TSPAN31: variants seen among roughly 807,000 people sequenced by gnomAD.
TSPAN31 encodes the protein tetraspanin 31.
TSPAN31 carries 16 observed loss-of-function variants against 24.8 expected under a neutral mutation model. That is an observed-to-expected ratio of 0.64 (90% confidence interval 0.44 to 0.98). The LOEUF (loss-of-function observed/expected upper bound fraction) is 0.98, where lower values mean the gene tolerates loss of function less well. Among genes scored for constraint, TSPAN31 ranks in the 50% least tolerant of loss-of-function variants. The pLI is 0.00. For synonymous variants in TSPAN31, 87 were observed against 91.4 expected (o/e 0.95, Z 0.27); for missense variants, 209 against 251.6 (o/e 0.83, Z 1.15).
intron 1 of TSPAN31, 197 bp from the exon 2 acceptor site, chr12:57,745,548 C>T: frequency 1.5e-6 from 1 of 662,644 alleles, no homozygotes; most frequent in Non-Finnish European, 2.5e-6. Context: ...CCTGCCACCC[C>T]CTCCCCGCCA....
chr12:57,746,753 G>C, intron 4 of TSPAN31, 33 bp downstream of exon 4: 1 of 1,613,304 alleles, frequency 6.2e-7, no homozygotes. Context: ...AGCAGCCAGG[G>C]GAGGTAGGAA....
At position 57,748,494 on chromosome 12, in the gene TSPAN31, T is replaced by C. The variant is rs746950724; in HGVS notation, c.*1204T>C. The C allele has an allele frequency of 1.3e-6, 2 of 1,524,390 alleles. No individual in the cohort carries two copies. The highest frequency in any genetic ancestry group is 1.8e-6 in the Non-Finnish European group (2 of 1,098,710). The allele number at this position is 1,524,390 out of a possible 1,614,324, so 94.4% of individuals were successfully genotyped here. A position where few individuals can be genotyped will look rare whatever the true frequency, so the allele number is the denominator to read the frequency against. ...AGTGTCCAGAAGGGAAATGGCAGCT[T>C]TTCTTCCTTCCATGGCAGCCACTCC... On this transcript the variant is annotated 3_prime_UTR_variant, in exon 6 of 6. Coordinates refer to ENST00000257910, the MANE Select transcript of TSPAN31 (RefSeq NM_005981.5).
Position 57,749,798 on chromosome 12 carries a change from A to G in TSPAN31, c.*2508A>G, listed in dbSNP as rs1955211082. ...TGGATCATGAGGTCAAGAGATCGAG[A>G]CCATCCTGGCCAACATGGTGAAACC... is the stretch of plus-strand genomic sequence containing the variant. On this transcript the variant is annotated 3_prime_UTR_variant, in exon 6 of 6. Coordinates refer to ENST00000257910, the MANE Select transcript of TSPAN31 (RefSeq NM_005981.5). 1 of 466,064 alleles carries G rather than the reference A, an allele frequency of 2.1e-6. No homozygotes were observed. The highest frequency in any genetic ancestry group is 2.0e-5 in the African/African-American group (1 of 50,924). The allele number at this position is 466,064 out of a possible 1,614,324, so 28.9% of individuals were successfully genotyped here.
rs536249985 is a variant in TSPAN31, at chr12:57,749,512, G to A, written c.*2222G>A. On this transcript the variant is annotated 3_prime_UTR_variant, in exon 6 of 6. Coordinates refer to ENST00000257910, the MANE Select transcript of TSPAN31 (RefSeq NM_005981.5). ...TTTCCACAGAAGAGAGGCCTAAGGT[G>A]AGAAGGGATATAAGGTAGCAGTCAT... The A allele has an allele frequency of 4.5e-5, 72 of 1,613,872 alleles. 2 individuals carry two copies. The South Asian group carries it at 7.5e-4, about 17-fold the overall frequency.
chr12:57,747,151 TCA>T lies in TSPAN31; in HGVS notation c.558+27_558+28del. On this transcript the variant is annotated intron_variant, in intron 5 of 5. Transcript: ENST00000257910. The stretch of plus-strand genomic sequence containing the variant: ...ACAGAGGTAACATTCTCCAGTTCCC[TCA>T]CACACATCCTTTTTGAGACTGAGAA... 6.2e-7 allele frequency: 1 copy of T among 1,612,634 alleles called. No homozygotes were observed. The highest frequency in any genetic ancestry group is 1.3e-5 in the African/African-American group (1 of 74,996).
Position 57,748,221 on chromosome 12 carries a change from TAAAAA to T in TSPAN31, c.*941_*945del. 3.1e-6 allele frequency: 1 copy of T among 325,538 alleles called. No individual in the cohort carries two copies. Among genetic ancestry groups the T allele is most frequent in the South Asian group, 3.8e-5 (1 of 26,648 alleles). The allele number at this position is 325,538 out of a possible 1,614,324, so 20.2% of individuals were successfully genotyped here. On this transcript the variant is annotated 3_prime_UTR_variant, in exon 6 of 6. Transcript: ENST00000257910. ...CAAAGCCAAACAGAGGAAGAAACATTAAAAAAAAAAAAAAGACCATTATTTCTTTG... is the reference window on the plus strand; with the variant it reads ...CAAAGCCAAACAGAGGAAGAAACATTAAAAAAAAAGACCATTATTTCTTTG...
At position 57,745,112 on chromosome 12, in the gene TSPAN31, C is replaced by T; in HGVS notation, c.-43C>T. 2 of 1,553,850 alleles carry T rather than the reference C, an allele frequency of 1.3e-6. No individual in the cohort carries two copies. Among genetic ancestry groups the T allele is most frequent in the Non-Finnish European group, 1.8e-6 (2 of 1,142,800 alleles). ...CTGGAAGACGGTCCCCAATACCCTCCCCCCAAGTCCTTGGGACCACTTGGG... is the reference window on the plus strand; with the variant it reads ...CTGGAAGACGGTCCCCAATACCCTCTCCCCAAGTCCTTGGGACCACTTGGG... On this transcript the variant is annotated 5_prime_UTR_variant, in exon 1 of 6. Transcript: ENST00000257910.
At position 57,749,342 on chromosome 12, in the gene TSPAN31, T is replaced by G. The variant is rs2140383298; in HGVS notation, c.*2052T>G. On this transcript the variant is annotated 3_prime_UTR_variant, in exon 6 of 6. Transcript: ENST00000257910. ...GCTGTGGGGGACAGGAGAACTCTGG[T>G]CAGGAGGGTCCTCCAGTTCCCATCC... 6.2e-7 allele frequency: 1 copy of G among 1,614,114 alleles called. No homozygotes were observed. Among genetic ancestry groups the G allele is most frequent in the Non-Finnish European group, 8.5e-7 (1 of 1,179,990 alleles).
rs1485908803 is a variant in TSPAN31, at chr12:57,749,123, G to GCTCTATTTCTTTCCCCAGT, written c.*1849_*1867dup. 3 of 1,605,588 alleles carry GCTCTATTTCTTTCCCCAGT rather than the reference G, an allele frequency of 1.9e-6. No individual in the cohort carries two copies. The highest frequency in any genetic ancestry group is 4.5e-5 in the East Asian group (2 of 44,828). On this transcript the variant is annotated 3_prime_UTR_variant, in exon 6 of 6. Coordinates refer to ENST00000257910, the MANE Select transcript of TSPAN31 (RefSeq NM_005981.5). ...CACAGTGGCCAGGGCCCTGCATACT[G>GCTCTATTTCTTTCCCCAGT]CTCTATTTCTTTCCCCAGTCTCTAT...
chr12:57,748,907 T>C lies in TSPAN31; in HGVS notation c.*1617T>C, dbSNP rs2140381944. 2 of 551,634 alleles carry C rather than the reference T, an allele frequency of 3.6e-6. No homozygotes were observed. Among genetic ancestry groups the C allele is most frequent in the East Asian group, 3.2e-5 (1 of 31,588 alleles). 34.2% of individuals were successfully genotyped at this position (551,634 alleles called of 1,614,324 possible). A position where few individuals can be genotyped will look rare whatever the true frequency, so the allele number is the denominator to read the frequency against. On this transcript the variant is annotated 3_prime_UTR_variant, in exon 6 of 6. Coordinates refer to ENST00000257910, the MANE Select transcript of TSPAN31 (RefSeq NM_005981.5). Reference sequence around the variant, plus strand: ...TTTTAGTAGAGACGAGGTTTCACCATGTTGGCCAGGCTGGTCTCGAACTCC... The same window carrying C: ...TTTTAGTAGAGACGAGGTTTCACCACGTTGGCCAGGCTGGTCTCGAACTCC...
At chr12:57,745,274 T>C in intron 1 of TSPAN31, 57 bp downstream of exon 1, 2 of 1,564,532 alleles carry the variant, frequency 1.3e-6, no homozygotes, top group Non-Finnish European at 8.7e-7. Flanking sequence ...GGGGAGAATC[T>C]CTAGGGTACT....
In TSPAN31 at chr12:57,747,302, C is replaced by A. The variant is rs1433187659; in HGVS notation, c.*12C>A. 6.8e-6 allele frequency: 11 copies of A among 1,612,788 alleles called. No individual in the cohort carries two copies. Among genetic ancestry groups the A allele is most frequent in the Non-Finnish European group, 9.3e-6 (11 of 1,178,922 alleles). On this transcript the variant is annotated 3_prime_UTR_variant, in exon 6 of 6. Coordinates refer to ENST00000257910, the MANE Select transcript of TSPAN31 (RefSeq NM_005981.5). Reference sequence around the variant, plus strand: ...GTGCCTTTCTATGAGACTTTGGATCCTTCTGACTTTTCTTCTGCTCTCTCT... The same window carrying A: ...GTGCCTTTCTATGAGACTTTGGATCATTCTGACTTTTCTTCTGCTCTCTCT...
Position 57,745,909 on chromosome 12 carries a change from C to T in TSPAN31, c.228C>T (p.Phe76=). The part of the protein sequence containing the change: ...GAVNHHQVLL[F]FYMIILGLVF... ...TCAACCACCACCAAGTCCTGCTGTT[C>T]TTTGTATCCTGACCTGAAGTGATGG... The change falls in exon 2 of 6, where the codon TTC becomes TTT. Residue 76 remains phenylalanine (F), a synonymous_variant. Transcript: ENST00000257910. 1.2e-6 allele frequency: 2 copies of T among 1,600,784 alleles called. No homozygotes were observed. The highest frequency in any genetic ancestry group is 1.1e-5 in the South Asian group (1 of 89,418).
chr12:57,747,593 T>TG lies in TSPAN31; in HGVS notation c.*305dup. On this transcript the variant is annotated 3_prime_UTR_variant, in exon 6 of 6. Transcript: ENST00000257910. ...TGTTTCCCTTCCTCTGTCCATATAC[T>TG]GGATCACCTCAACATACCCTGGTGT... is the stretch of plus-strand genomic sequence containing the variant. 3.4e-6 allele frequency: 1 copy of TG among 293,376 alleles called. No homozygotes were observed. Among genetic ancestry groups the TG allele is most frequent in the East Asian group, 6.6e-5 (1 of 15,248 alleles). The allele number at this position is 293,376 out of a possible 1,614,324, so 18.2% of individuals were successfully genotyped here. A position where few individuals can be genotyped will look rare whatever the true frequency, so the allele number is the denominator to read the frequency against.
At position 57,747,265 on chromosome 12, in the gene TSPAN31, G is replaced by T; in HGVS notation, c.608G>T (p.Arg203Ile). ...AGATTTCGGAATCAGAAGGATCCTA[G>T]AGCCAACCCCAGTGCCTTTCTATGA... ...AMRFRNQKDP[R>I]ANPSAFL Residue 203 changes from arginine to isoleucine, a missense_variant, in exon 6 of 6, where the codon AGA becomes ATA. Physicochemically the swap from Arg to Ile is moderately conservative, Grantham distance 97. Coordinates refer to ENST00000257910, the MANE Select transcript of TSPAN31 (RefSeq NM_005981.5). 1 of 1,614,148 alleles carries T rather than the reference G, an allele frequency of 6.2e-7. No individual in the cohort carries two copies. Among genetic ancestry groups the T allele is most frequent in the Non-Finnish European group, 8.5e-7 (1 of 1,180,024 alleles).
In TSPAN31 at chr12:57,747,140, C is replaced by T; in HGVS notation, c.558+9C>T. 6.2e-7 allele frequency: 1 copy of T among 1,611,516 alleles called. No individual in the cohort carries two copies. The highest frequency in any genetic ancestry group is 8.5e-7 in the Non-Finnish European group (1 of 1,177,572). ...TCTTTAGCTTTACAGAGGTAACATT[C>T]TCCAGTTCCCTCACACACATCCTTT... On this transcript the variant is annotated intron_variant, in intron 5 of 5. Transcript: ENST00000257910.
At chr12:57,746,451 A>T in intron 3 of TSPAN31, 138 bp from the exon 4 acceptor site, 1 of 1,228,598 alleles carries the variant, frequency 8.1e-7, no homozygotes, top group Non-Finnish European at 1.2e-6. Context: ...CTCAAAAGGT[A>T]GATATTTATC....
In TSPAN31 at chr12:57,748,221, TA is replaced by T. The variant is rs59185470; in HGVS notation, c.*945del. ...CAAAGCCAAACAGAGGAAGAAACATTAAAAAAAAAAAAAAGACCATTATTTC... is the reference window on the plus strand; with the variant it reads ...CAAAGCCAAACAGAGGAAGAAACATTAAAAAAAAAAAAAGACCATTATTTC... On this transcript the variant is annotated 3_prime_UTR_variant, in exon 6 of 6. Coordinates refer to ENST00000257910, the MANE Select transcript of TSPAN31 (RefSeq NM_005981.5). The T allele has an allele frequency of 0.15, 46,869 of 302,392 alleles. 424 individuals carry two copies. Among genetic ancestry groups the T allele is most frequent in the South Asian group, 0.23 (5,730 of 25,430 alleles). 18.7% of individuals were successfully genotyped at this position (302,392 alleles called of 1,614,324 possible).
At chr12:57,746,540 G>C in intron 3 of TSPAN31, 49 bp from the exon 4 acceptor site, 1 of 1,612,010 alleles carries the variant, frequency 6.2e-7, no homozygotes, top group Non-Finnish European at 8.5e-7. Context: ...CACTTGAACT[G>C]ATAACAGGAT....
Sources: gnomAD v4.1 joint callset for allele counts on GRCh38, gnomAD v4.1.1 for gene constraint, MANE v1.5 for transcripts, NCBI Gene and HGNC (gene_info 2026-07-23, HGNC 2026-07-21) for gene names.